EPB41: variants seen among roughly 807,000 people sequenced by gnomAD.
The protein encoded by EPB41 is erythrocyte membrane protein band 4.1, also known as protein 4.1.
EPB41 carries 65 observed loss-of-function variants against 108.0 expected under a neutral mutation model. That is an observed-to-expected ratio of 0.60 (90% CI 0.49 to 0.74). EPB41 has a LOEUF of 0.74. Ranked by LOEUF, EPB41 falls within the 30% of genes least tolerant of loss-of-function variation. EPB41 has a pLI of 0.00. For missense variants in EPB41, 875 were observed against 1,037.0 expected (o/e 0.84, Z 2.15); for synonymous variants, 336 against 358.9 (o/e 0.94, Z 0.72).
intron 15 of EPB41, among the ~76,000 whole-genome samples, chr1:29,061,934 T>C (rs1402508358): frequency 6.6e-6 from 1 of 152,196 alleles, no homozygotes; most frequent in African/African-American, 2.4e-5. Context: ...CTAATAATTA[T>C]TTAAACCTCA....
intron 5 of EPB41, among the ~76,000 whole-genome samples, chr1:29,014,362 A>G (rs2096549834): frequency 6.6e-6 from 1 of 152,106 alleles, no homozygotes; most frequent in Admixed American, 6.5e-5. Context: ...CAAGTATGTT[A>G]TATGTAGTTT....
intron 18 of EPB41, among the ~76,000 whole-genome samples, chr1:29,110,189 A>AT (rs1050839162): frequency 1.3e-5 from 2 of 151,402 alleles, no homozygotes; most frequent in African/African-American, 2.4e-5. Flanking sequence ...ATACAAAAAA[A>AT]AAAAAATGTG....
chr1:28,930,771 C>T (rs1052476683), intron 1 of EPB41, among the ~76,000 whole-genome samples: 1 of 152,180 alleles, frequency 6.6e-6, no homozygotes, highest in Non-Finnish European at 1.5e-5. Flanking sequence ...AGGCGTGAGC[C>T]ACCGCACCTG....
At chr1:28,965,383 A>T (rs2095332168) in intron 1 of EPB41, among the ~76,000 whole-genome samples, 1 of 151,846 alleles carries the variant, frequency 6.6e-6, no homozygotes. Context: ...TTTTTTTTTT[A>T]GAACTTTTTT....
chr1:29,056,086 T>C (rs949769904), intron 12 of EPB41, among the ~76,000 whole-genome samples: 1 of 150,958 alleles, frequency 6.6e-6, no homozygotes, highest in African/African-American at 2.4e-5. Context: ...TACAAAAAAT[T>C]AGCCAGGCGT....
chr1:29,067,632 A>C (rs1648934242), intron 16 of EPB41, among the ~76,000 whole-genome samples: 3 of 145,862 alleles, frequency 2.1e-5, no homozygotes, highest in African/African-American at 5.1e-5. Flanking sequence ...GCGCCACTGC[A>C]CTCCAGCCTG....
chr1:28,930,201 G>C (rs1359398322), intron 1 of EPB41, among the ~76,000 whole-genome samples: 6 of 144,464 alleles, frequency 4.2e-5, no homozygotes, highest in Non-Finnish European at 9.0e-5. Context: ...CTGTTGCCCA[G>C]GCTGGAGTGC....
chr1:28,892,017 G>A (rs889774177), intron 1 of EPB41, among the ~76,000 whole-genome samples: 1 of 149,582 alleles, frequency 6.7e-6, no homozygotes, highest in African/African-American at 2.5e-5. Flanking sequence ...CACTTGAACC[G>A]AGGAGGCGGA....
intron 16 of EPB41, among the ~76,000 whole-genome samples, chr1:29,095,768 T>C (rs1662980980): frequency 6.7e-6 from 1 of 150,370 alleles, no homozygotes; most frequent in Admixed American, 6.6e-5. Flanking sequence ...TGAGACCCTG[T>C]CTCAAAAAAA....
At chr1:29,102,345 G>A (rs1031051415) in intron 17 of EPB41, among the ~76,000 whole-genome samples, 21 of 152,218 alleles carry the variant, frequency 1.4e-4, no homozygotes, top group Middle Eastern at 3.4e-3. Context: ...TGTTTATGGA[G>A]GGGAGAAGGG....
rs1491193201 is a variant in EPB41, at chr1:28,935,468, C to CACACACACACACACACACA, written c.-8+20700_-8+20701insACACACACACACACACACA. 4.6e-3 allele frequency among the ~76,000 whole-genome samples: 193 copies of CACACACACACACACACACA among 42,164 alleles called. 12 individuals carry two copies. Among genetic ancestry groups the CACACACACACACACACACA allele is most frequent in the South Asian group, 0.014 (10 of 740 alleles). 27.7% of individuals were successfully genotyped at this position (42,164 alleles called of 152,430 possible). A position where few individuals can be genotyped will look rare whatever the true frequency, so the allele number is the denominator to read the frequency against. On this transcript the variant is annotated intron_variant, in intron 1 of 20. Coordinates refer to ENST00000343067, the MANE Select transcript of EPB41 (RefSeq NM_001376013.1). Reference sequence around the variant, plus strand: ...ACACACACACACACACACACACACACCCCCCCCCCCCCAAGATCTACGCAC... The same window carrying CACACACACACACACACACA: ...ACACACACACACACACACACACACACACACACACACACACACACACCCCCCCCCCCCAAGATCTACGCAC...
intron 7 of EPB41, among the ~76,000 whole-genome samples, chr1:29,028,866 A>G (rs2096753851): frequency 6.6e-6 from 1 of 151,778 alleles, no homozygotes; most frequent in African/African-American, 2.4e-5. Context: ...ACATACTGAG[A>G]CCCCCTCTGT....
intron 3 of EPB41, 76 bp from the exon 4 acceptor site, chr1:28,997,139 G>A (rs2096198576): frequency 1.9e-6 from 2 of 1,074,562 alleles, no homozygotes; most frequent in Non-Finnish European, 2.9e-6. Context: ...GCAACAGAGT[G>A]AATCCCCATC....
At chr1:29,107,896 G>A (rs572137681) in intron 17 of EPB41, among the ~76,000 whole-genome samples, 372 of 150,000 alleles carry the variant, frequency 2.5e-3, no homozygotes, top group African/African-American at 8.7e-3. Context: ...GGGCGTGGTG[G>A]CGCGTGCCTA....
chr1:28,971,144 G>A lies in EPB41; in HGVS notation c.-7-16287G>A, dbSNP rs1290013776. On this transcript the variant is annotated intron_variant, in intron 1 of 20. Coordinates refer to ENST00000343067, the MANE Select transcript of EPB41 (RefSeq NM_001376013.1). ...ATTACAGGCATGAGCCACCACACCC[G>A]GCCGCATTTAATCTTTTTTTTTTCT... is the stretch of plus-strand genomic sequence containing the variant. Among the ~76,000 whole-genome samples the A allele has an allele frequency of 4.7e-5, 7 of 149,506 alleles. No homozygotes were observed. In the East Asian group the frequency reaches 9.8e-4, roughly 21 times the overall value.
At chr1:29,084,941 G>A (rs190826268) in intron 16 of EPB41, among the ~76,000 whole-genome samples, 3 of 152,028 alleles carry the variant, frequency 2.0e-5, no homozygotes, top group Non-Finnish European at 4.4e-5. Flanking sequence ...CATAGGCTTG[G>A]CCCACTTCAG....
At chr1:28,977,308 A>G (rs1167363650) in intron 1 of EPB41, among the ~76,000 whole-genome samples, 1 of 152,166 alleles carries the variant, frequency 6.6e-6, no homozygotes, top group Non-Finnish European at 1.5e-5. Context: ...AAGAAGCATT[A>G]ATGGAGCACT....
intron 14 of EPB41, 97 bp from the exon 15 acceptor site, chr1:29,060,325 T>A (rs1646291163): frequency 9.5e-7 from 1 of 1,049,788 alleles, no homozygotes; most frequent in South Asian, 1.3e-5. Flanking sequence ...CATTTATTTT[T>A]AAATATTTTT....
At chr1:29,003,202 G>A (rs2096334462) in intron 4 of EPB41, among the ~76,000 whole-genome samples, 1 of 152,220 alleles carries the variant, frequency 6.6e-6, no homozygotes. Flanking sequence ...GATTGAATCA[G>A]TAAAGTTCAT....
Sources: allele counts gnomAD v4.1 joint callset (sites outside exome capture counted in the v4.1 genomes callset), GRCh38; gene constraint gnomAD v4.1.1; transcripts MANE v1.5; gene names NCBI Gene and HGNC (gene_info 2026-07-23, HGNC 2026-07-21).